Variants in KMT2A observed in about 807,000 individuals in gnomAD.
KMT2A encodes the protein lysine methyltransferase 2A.
KMT2A carries 16 observed loss-of-function variants against 345.3 expected under a neutral mutation model. The ratio of observed to expected loss-of-function variants is 0.05; its 90% confidence interval spans 0.03 to 0.07. The LOEUF is 0.07. Ranked by LOEUF, KMT2A falls within the 10% of genes least tolerant of loss-of-function variation. The probability of loss-of-function intolerance (pLI) is 1.00; values close to 1 mark genes in which losing one functional copy is unlikely to be tolerated. For synonymous variants in KMT2A, 1,599 were observed against 1,778.6 expected (o/e 0.90, Z 2.54); for missense variants, 3,272 against 4,841.6 (o/e 0.68, Z 9.62).
At chr11:118,509,255 T>C in intron 29 of KMT2A, 55 bp downstream of exon 29, 1 of 1,374,872 alleles carries the variant, frequency 7.3e-7, no homozygotes, top group Non-Finnish European at 1.0e-6. Context: ...AAAAGGATTA[T>C]GAGAATCACC....
Position 118,505,271 on chromosome 11 carries a change from C to T in KMT2A, c.9379C>T (p.Pro3127Ser), listed in dbSNP as rs1461830365. 5.6e-6 allele frequency: 9 copies of T among 1,614,046 alleles called. No homozygotes were observed. The highest frequency in any genetic ancestry group is 5.0e-5 in the Admixed American group (3 of 60,002). ...VMETNTSVLG[P>S]MGGGLTLTTG... ...GGAGACAAATACTTCAGTATTGGGA[C>T]CCATGGGAGGTGGTCTCACCCTTAC... The change falls in exon 27 of 36, where the codon CCC (proline) becomes TCC (serine). Residue 3127 changes from proline (P) to serine (S), a missense_variant. Pro to Ser is a moderately conservative substitution (Grantham distance 74, BLOSUM62 -1). Around this residue, in one of 27 missense-constraint regions of KMT2A, gnomAD observed 748 missense variants for 922.2 expected, o/e 0.81. Coordinates refer to ENST00000534358, the MANE Select transcript of KMT2A (RefSeq NM_001197104.2). This position sits in a 1 kb window ranked among gnomAD's most constrained non-coding sequence, Gnocchi z 4.6.
Position 118,495,600 on chromosome 11 carries a change from C to A in KMT2A, c.5364-100C>A. On this transcript the variant is annotated intron_variant, in intron 18 of 35. Transcript: ENST00000534358. The surrounding 1 kb of genome is among the most constrained non-coding windows in gnomAD (Gnocchi z 4.1). ...ACTTGTTCTTATATTCTGTGAATGG[C>A]TCCTACATGGGGCAACAGGTGATAT... 1.2e-6 allele frequency: 1 copy of A among 834,624 alleles called. No individual in the cohort carries two copies. The highest frequency in any genetic ancestry group is 1.8e-6 in the Non-Finnish European group (1 of 556,276). 51.7% of individuals were successfully genotyped at this position (834,624 alleles called of 1,614,324 possible). A position where few individuals can be genotyped will look rare whatever the true frequency, so the allele number is the denominator to read the frequency against.
At chr11:118,509,303 A>AAAG in intron 29 of KMT2A, 103 bp downstream of exon 29, 2 of 951,138 alleles carry the variant, frequency 2.1e-6, no homozygotes, top group African/African-American at 3.4e-5. Flanking sequence ...AAAAAAAAAA[A>AAAG]TCTAAGCTCC....
In KMT2A at chr11:118,491,943, AT is replaced by A; in HGVS notation, c.5004+22del. On this transcript the variant is annotated intron_variant, in intron 15 of 35. Transcript: ENST00000534358. This position sits in a 1 kb window ranked among gnomAD's most constrained non-coding sequence, Gnocchi z 4.2. ...GCTACCGGCAGGTAGGCCAAGTCTC[AT>A]TTTTTTCTGAGAGCTTGTTCTTAGG... The A allele has an allele frequency of 6.2e-7, 1 of 1,600,318 alleles. No homozygotes were observed. Among genetic ancestry groups the A allele is most frequent in the Non-Finnish European group, 8.5e-7 (1 of 1,170,920 alleles).
At chr11:118,485,572 T>A (rs1289271269) in intron 10 of KMT2A, among the ~76,000 whole-genome samples, 3 of 152,182 alleles carry the variant, frequency 2.0e-5, no homozygotes, top group African/African-American at 7.2e-5. Flanking sequence ...TTAGTTACAA[T>A]CTTTCTTTCT....
In KMT2A at chr11:118,473,094, A is replaced by G; in HGVS notation, c.1935A>G (p.Lys645=). The change falls in exon 3 of 36, where the codon AAA becomes AAG. Residue 645 remains lysine, a synonymous_variant. Transcript: ENST00000534358. This position sits in a 1 kb window ranked among gnomAD's most constrained non-coding sequence, Gnocchi z 5.2. The part of the protein sequence containing the change: ...AKYAKEGLIR[K]PIFDNFRPPP... The stretch of plus-strand genomic sequence containing the variant: ...ATGCCAAAGAAGGTCTTATTCGCAA[A>G]CCAATATTTGATAATTTCCGACCCC... 2.5e-6 allele frequency: 4 copies of G among 1,614,040 alleles called. No individual in the cohort carries two copies. The African/African-American group carries it at 4.0e-5, about 16-fold the overall frequency.
chr11:118,466,293 G>A (rs1468184059), intron 1 of KMT2A, among the ~76,000 whole-genome samples: 1 of 152,122 alleles, frequency 6.6e-6, no homozygotes, highest in Non-Finnish European at 1.5e-5. Context: ...TCACACCACT[G>A]CAGTACAGCC....
intron 1 of KMT2A, among the ~76,000 whole-genome samples, chr11:118,438,450 T>C (rs1318071680): frequency 9.8e-6 from 1 of 102,548 alleles, no homozygotes; most frequent in African/African-American, 3.9e-5. Context: ...GGGGGGAGGA[T>C]GGCATGGGGG....
In KMT2A at chr11:118,505,815, G is replaced by C. The variant is rs1950571452; in HGVS notation, c.9923G>C (p.Ser3308Thr). The C allele has an allele frequency of 2.5e-6, 4 of 1,614,198 alleles. No individual in the cohort carries two copies. Among genetic ancestry groups the C allele is most frequent in the South Asian group, 1.1e-5 (1 of 91,080 alleles). The change falls in exon 27 of 36, where the codon AGT (serine) becomes ACT (threonine). Residue 3308 changes from serine (S) to threonine (T), a missense_variant. Around this residue, in one of 27 missense-constraint regions of KMT2A, gnomAD observed 748 missense variants for 922.2 expected, o/e 0.81. Coordinates refer to ENST00000534358, the MANE Select transcript of KMT2A (RefSeq NM_001197104.2). This position sits in a 1 kb window ranked among gnomAD's most constrained non-coding sequence, Gnocchi z 4.6. Reference protein sequence around the residue: ...YFEPAPLLPQSVGGTAATAAG... With the variant: ...YFEPAPLLPQTVGGTAATAAG... ...GAACCGGCACCCCTGTTACCACAGA[G>C]TGTGGGAGGAACTGCTGCCACAGCG...
At chr11:118,441,715 CTTTAGAACT>C (rs1247120846) in intron 1 of KMT2A, among the ~76,000 whole-genome samples, 1 of 152,148 alleles carries the variant, frequency 6.6e-6, no homozygotes, top group Non-Finnish European at 1.5e-5. Context: ...GAAATTCAGT[CTTTAGAACT>C]TTTCTTCCTC....
At chr11:118,447,357 A>G (rs1478871251) in intron 1 of KMT2A, among the ~76,000 whole-genome samples, 2 of 152,220 alleles carry the variant, frequency 1.3e-5, no homozygotes. Context: ...TGATGTCCAT[A>G]CAACTTTTAG....
chr11:118,504,655 G>A lies in KMT2A; in HGVS notation c.8763G>A (p.Glu2921=), dbSNP rs1950551764. The A allele has an allele frequency of 6.2e-7, 1 of 1,614,178 alleles. No individual in the cohort carries two copies. Among genetic ancestry groups the A allele is most frequent in the African/African-American group, 1.3e-5 (1 of 75,034 alleles). The stretch of plus-strand genomic sequence containing the variant: ...GTGTCTCTTCCTCTATCTCAGCAGA[G>A]GAACAGTTTGAGTTGCCTCTAGAGC... ...DSSVSSSISA[E]EQFELPLELP... is the part of the protein sequence containing the mutation. Residue 2921 remains glutamate (E), a synonymous_variant, in exon 27 of 36, where the codon GAG becomes GAA. Coordinates refer to ENST00000534358, the MANE Select transcript of KMT2A (RefSeq NM_001197104.2). The surrounding 1 kb of genome is among the most constrained non-coding windows in gnomAD (Gnocchi z 6.4).
intron 31 of KMT2A, 112 bp from the exon 32 acceptor site, chr11:118,519,506 T>G: frequency 1.1e-6 from 1 of 885,448 alleles, no homozygotes; most frequent in Admixed American, 2.1e-5. Flanking sequence ...GTACTATAAT[T>G]CACCCTGGAG....
rs1231157381 is a variant in KMT2A, at chr11:118,520,991, T to C, written c.11513+106T>C. On this transcript the variant is annotated intron_variant, in intron 34 of 35. Transcript: ENST00000534358. This position sits in a 1 kb window ranked among gnomAD's most constrained non-coding sequence, Gnocchi z 4.3. Reference sequence around the variant, plus strand: ...CTTCCTCACTCAGTAAGTGAGGATTTTACGGACACTATTTATTGACCCTCA... The same window carrying C: ...CTTCCTCACTCAGTAAGTGAGGATTCTACGGACACTATTTATTGACCCTCA... 3 of 836,000 alleles carry C rather than the reference T, an allele frequency of 3.6e-6. No individual in the cohort carries two copies. In the African/African-American group the frequency reaches 5.1e-5, roughly 14 times the overall value. 51.8% of individuals were successfully genotyped at this position (836,000 alleles called of 1,614,324 possible).
chr11:118,506,643 C>T lies in KMT2A; in HGVS notation c.10751C>T (p.Thr3584Ile). Reference sequence around the variant, plus strand: ...GAAACGACATCCCTGACCTCAGGCACAGGGTGAGAGATCCAAATACTAGCT... The same window carrying T: ...GAAACGACATCCCTGACCTCAGGCATAGGGTGAGAGATCCAAATACTAGCT... ...DQETTSLTSGTGTPGAEAEQQ... is the reference protein window; with the variant it reads ...DQETTSLTSGIGTPGAEAEQQ... Residue 3584 changes from threonine (T) to isoleucine (I), a missense_variant, in exon 27 of 36, where the codon ACA becomes ATA. Around this residue, in one of 27 missense-constraint regions of KMT2A, gnomAD observed 748 missense variants for 922.2 expected, o/e 0.81. Coordinates refer to ENST00000534358, the MANE Select transcript of KMT2A (RefSeq NM_001197104.2). 6.3e-7 allele frequency: 1 copy of T among 1,590,654 alleles called. No individual in the cohort carries two copies. Among genetic ancestry groups the T allele is most frequent in the Non-Finnish European group, 8.6e-7 (1 of 1,167,112 alleles).
rs575850891 is a variant in KMT2A, at chr11:118,479,156, A to G, written c.3569+955A>G. Among the ~76,000 whole-genome samples, 23 of 152,326 alleles carry G rather than the reference A, an allele frequency of 1.5e-4. 1 individual carries two copies. Among genetic ancestry groups the G allele is most frequent in the Admixed American group, 1.4e-3 (21 of 15,292 alleles). ...TACAATTAAATTATTATTTACTACA[A>G]TCACCCTGTTGTGCTATCAAATGCT... On this transcript the variant is annotated intron_variant, in intron 5 of 35. Coordinates refer to ENST00000534358, the MANE Select transcript of KMT2A (RefSeq NM_001197104.2).
In KMT2A at chr11:118,505,633, C is replaced by T; in HGVS notation, c.9741C>T (p.Ala3247=). The T allele has an allele frequency of 6.2e-7, 1 of 1,614,138 alleles. No individual in the cohort carries two copies. Among genetic ancestry groups the T allele is most frequent in the Non-Finnish European group, 8.5e-7 (1 of 1,180,018 alleles). ...LAPSSTPSNI[A]PSDVVSNMTL... The stretch of plus-strand genomic sequence containing the variant: ...CCTCTAGTACCCCTTCAAACATTGC[C>T]CCTTCTGATGTGGTTTCTAATATGA... The change falls in exon 27 of 36, where the codon GCC becomes GCT. Residue 3247 remains alanine (A), a synonymous_variant. Coordinates refer to ENST00000534358, the MANE Select transcript of KMT2A (RefSeq NM_001197104.2). The surrounding 1 kb of genome is among the most constrained non-coding windows in gnomAD (Gnocchi z 4.6).
chr11:118,493,662 A>C lies in KMT2A; in HGVS notation c.5178+432A>C, dbSNP rs1950359813. 6.6e-6 allele frequency among the ~76,000 whole-genome samples: 1 copy of C among 152,074 alleles called. No individual in the cohort carries two copies. Among genetic ancestry groups the C allele is most frequent in the African/African-American group, 2.4e-5 (1 of 41,404 alleles). On this transcript the variant is annotated intron_variant, in intron 16 of 35. Transcript: ENST00000534358. This position sits in a 1 kb window ranked among gnomAD's most constrained non-coding sequence, Gnocchi z 5.8. The stretch of plus-strand genomic sequence containing the variant: ...TTTTAAGTATGTATAGGAAATGATT[A>C]TTTATTATCTCATGATCTATATTTG...
chr11:118,438,213 G>T (rs1409482489), intron 1 of KMT2A, among the ~76,000 whole-genome samples: 5 of 152,108 alleles, frequency 3.3e-5, no homozygotes, highest in Admixed American at 3.3e-4. Flanking sequence ...AGGACTTGGG[G>T]TTGTCTCTGA....
Sources: allele counts gnomAD v4.1 joint callset (sites outside exome capture counted in the v4.1 genomes callset), GRCh38; gene constraint gnomAD v4.1.1; regional missense constraint gnomAD v4.1.1; non-coding constraint Gnocchi (gnomAD v3.1); transcripts MANE v1.5; gene names NCBI Gene and HGNC (gene_info 2026-07-23, HGNC 2026-07-21).